The following NAV3 variants were observed in gnomAD, a reference collection of about 807,000 sequenced individuals.
NAV3 encodes neuron navigator 3, also known as pore membrane and/or filament interacting like protein 1.
A neutral mutation model predicts 244.7 loss-of-function variants in NAV3; 87 were observed. The ratio of observed to expected loss-of-function variants is 0.36; its 90% CI spans 0.30 to 0.42. The LOEUF (loss-of-function observed/expected upper bound fraction) is 0.42, where lower values mean the gene tolerates loss of function less well. NAV3 is among the 20% of genes least tolerant of loss of function. The pLI, the probability that NAV3 is intolerant of heterozygous loss-of-function variation, is 1.00. For synonymous variants in NAV3, 1,126 were observed against 1,042.2 expected, an observed-to-expected ratio of 1.08 and a Z score of -1.55; for missense variants, 2,663 against 2,893.3, an observed-to-expected ratio of 0.92 and a Z score of 1.83.
chr12:78,055,713 T>G (rs1883398192), intron 11 of NAV3, among the ~76,000 whole-genome samples: 1 of 152,148 alleles, frequency 6.6e-6, no homozygotes, highest in Non-Finnish European at 1.5e-5. Context: ...AGATTTTGTA[T>G]GTATCAGGCC....
chr12:77,769,038 C>T (rs528375218), intron 2 of NAV3, among the ~76,000 whole-genome samples: 5 of 152,218 alleles, frequency 3.3e-5, no homozygotes, highest in South Asian at 2.1e-4. Flanking sequence ...TATATTTAAT[C>T]CTTGTAAAAA....
chr12:77,941,905 A>G (rs898896237), intron 3 of NAV3, among the ~76,000 whole-genome samples: 10 of 152,366 alleles, frequency 6.6e-5, no homozygotes, highest in African/African-American at 2.2e-4. Context: ...TCTTCAGCAC[A>G]GAATAGGCAT....
intron 2 of NAV3, among the ~76,000 whole-genome samples, chr12:77,756,257 G>T (rs1240346242): frequency 3.3e-5 from 5 of 152,068 alleles, no homozygotes; most frequent in Admixed American, 6.6e-5. Flanking sequence ...TAGAAATAGG[G>T]TTATGAAAAT....
At chr12:77,907,088 C>G (rs1375532474) in intron 1 of NAV3, among the ~76,000 whole-genome samples, 1 of 152,126 alleles carries the variant, frequency 6.6e-6, no homozygotes, top group Non-Finnish European at 1.5e-5. Context: ...AATCTGATTT[C>G]AAATCTGACA....
At chr12:78,204,799 G>A (rs542057778) in intron 38 of NAV3, 136 bp from the exon 39 acceptor site, 4 of 708,482 alleles carry the variant, frequency 5.6e-6, no homozygotes, top group Non-Finnish European at 7.0e-6. Context: ...CTGCAAAACT[G>A]TATACAGATA....
intron 2 of NAV3, among the ~76,000 whole-genome samples, chr12:77,626,251 GA>G (rs548187675): frequency 8.5e-5 from 12 of 141,832 alleles, no homozygotes; most frequent in African/African-American, 1.0e-4. Context: ...AGTCAGACCA[GA>G]AAAAAAAAAG....
intron 2 of NAV3, among the ~76,000 whole-genome samples, chr12:77,713,135 G>C (rs1029939167): frequency 2.6e-5 from 4 of 152,070 alleles, no homozygotes; most frequent in Non-Finnish European, 5.9e-5. Flanking sequence ...TTCACTTAAG[G>C]GCCACACCTG....
Position 78,177,295 on chromosome 12 carries a change from C to T in NAV3, c.5279C>T (p.Pro1760Leu), listed in dbSNP as rs1310645291. 1.9e-6 allele frequency: 3 copies of T among 1,610,826 alleles called. No individual in the cohort carries two copies. Among genetic ancestry groups the T allele is most frequent in the Non-Finnish European group, 2.5e-6 (3 of 1,179,046 alleles). Residue 1760 changes from proline to leucine, a missense_variant, in exon 27 of 40, where the codon CCC becomes CTC. This residue lies in a region of NAV3 where 193 missense variants were observed against 200.7 expected (regional missense o/e 0.96). Transcript: ENST00000397909. ...AGDCGSASMK[P>L]SQSASASPLV... The stretch of plus-strand genomic sequence containing the variant: ...GACTGTGGCTCAGCATCCATGAAGC[C>T]CTCACAATCTGCTTCAGCGTAAGTT...
chr12:77,686,628 A>G (rs1168023832), intron 2 of NAV3, among the ~76,000 whole-genome samples: 10 of 151,804 alleles, frequency 6.6e-5, no homozygotes, highest in Non-Finnish European at 1.2e-4. Context: ...AGTACTTTTC[A>G]TGTATTATTT....
At chr12:78,017,280 A>T (rs1876382855) in intron 8 of NAV3, among the ~76,000 whole-genome samples, 1 of 152,120 alleles carries the variant, frequency 6.6e-6, no homozygotes, top group Admixed American at 6.6e-5. Flanking sequence ...ACTCTCAGTA[A>T]CAGATGAAGG....
At position 77,800,844 on chromosome 12, in the gene NAV3, G is replaced by T. The variant is rs112148029; in HGVS notation, c.73-139475G>T. 2.3e-3 allele frequency among the ~76,000 whole-genome samples: 357 copies of T among 152,056 alleles called. 4 individuals carry two copies. Among genetic ancestry groups the T allele is most frequent in the African/African-American group, 8.3e-3 (346 of 41,516 alleles). On this transcript the variant is annotated intron_variant, in intron 2 of 8. Coordinates refer to the NAV3 transcript ENST00000550042. ...CTATGCTTTTTTTTGAAAGATAAATGCTAGCAATTATTAGATTTTTCTTTA... is the reference window on the plus strand; with the variant it reads ...CTATGCTTTTTTTTGAAAGATAAATTCTAGCAATTATTAGATTTTTCTTTA...
chr12:77,635,119 C>T lies in NAV3; in HGVS notation c.72+62853C>T, dbSNP rs906255457. Among the ~76,000 whole-genome samples the T allele has an allele frequency of 1.2e-4, 18 of 152,050 alleles. 2 individuals are homozygous for T. Among genetic ancestry groups the T allele is most frequent in the Admixed American group, 9.2e-4 (14 of 15,280 alleles). On this transcript the variant is annotated intron_variant, in intron 2 of 8. Transcript: ENST00000550042. Reference sequence around the variant, plus strand: ...TGATGTGTGCCTGTAAACCAGCTACCTGGGAGGCTAAGGCAGGAGAATTGC... The same window carrying T: ...TGATGTGTGCCTGTAAACCAGCTACTTGGGAGGCTAAGGCAGGAGAATTGC...
chr12:77,892,836 C>A (rs765981119), intron 1 of NAV3, among the ~76,000 whole-genome samples: 2 of 152,066 alleles, frequency 1.3e-5, no homozygotes, highest in Non-Finnish European at 2.9e-5. Context: ...ATAAAATATA[C>A]GCAAAGTGCT....
intron 2 of NAV3, among the ~76,000 whole-genome samples, chr12:77,586,120 C>A: frequency 6.6e-6 from 1 of 152,020 alleles, no homozygotes; most frequent in East Asian, 1.9e-4. Flanking sequence ...CGAGATCGCG[C>A]CACTGCACTC....
rs1416503482 is a variant in NAV3, at chr12:78,167,734, A to G, written c.4870-1021A>G. Among the ~76,000 whole-genome samples, 4 of 151,604 alleles carry G rather than the reference A, an allele frequency of 2.6e-5. No homozygotes were observed. In the East Asian group the frequency reaches 7.8e-4, roughly 29 times the overall value. On this transcript the variant is annotated intron_variant, in intron 23 of 39. Transcript: ENST00000397909. ...GAAGGCAGTGATGAATGACAAATAC[A>G]TTACCAAGGAATTCTCCCTCTAAGA...
At chr12:77,702,415 TTTTA>T (rs1170247151) in intron 2 of NAV3, among the ~76,000 whole-genome samples, 2 of 151,966 alleles carry the variant, frequency 1.3e-5, no homozygotes, top group East Asian at 3.8e-4. Context: ...ATTTCTGCCG[TTTTA>T]TTTGGAGTAT....
intron 1 of NAV3, among the ~76,000 whole-genome samples, chr12:77,912,434 T>C (rs1048812047): frequency 7.2e-5 from 11 of 152,226 alleles, no homozygotes; most frequent in Admixed American, 7.2e-4. Context: ...GCTAAAATTA[T>C]CTTTTAATGT....
intron 4 of NAV3, among the ~76,000 whole-genome samples, chr12:77,967,918 A>C (rs1892655182): frequency 6.6e-6 from 1 of 152,160 alleles, no homozygotes; most frequent in Non-Finnish European, 1.5e-5. Context: ...TGCTTTTGGA[A>C]GATATACCTA....
chr12:77,727,038 A>G (rs1189120982), intron 2 of NAV3, among the ~76,000 whole-genome samples: 1 of 152,008 alleles, frequency 6.6e-6, no homozygotes, highest in Admixed American at 6.6e-5. Context: ...AGCACTCATC[A>G]TGAATGAAGA....
Sources: allele counts gnomAD v4.1 joint callset (sites outside exome capture counted in the v4.1 genomes callset), GRCh38; gene constraint gnomAD v4.1.1; regional missense constraint gnomAD v4.1.1; transcripts MANE v1.5; gene names NCBI Gene and HGNC (gene_info 2026-07-23, HGNC 2026-07-21).